ELF1: variants seen among roughly 807,000 people sequenced by gnomAD.
ELF1 encodes the protein ETS-related transcription factor Elf-1.
A neutral mutation model predicts 59.9 loss-of-function variants in ELF1; 24 were observed. The ratio of observed to expected loss-of-function variants is 0.40; its 90% confidence interval spans 0.29 to 0.56. The LOEUF is 0.56. Among genes scored for constraint, ELF1 ranks in the 20% least tolerant of loss-of-function variants. ELF1 has a pLI of 0.44. For missense variants in ELF1, 627 were observed against 742.2 expected (o/e 0.84, Z 1.80); for synonymous variants, 248 against 266.2 (o/e 0.93, Z 0.67).
intron 1 of ELF1, among the ~76,000 whole-genome samples, chr13:41,055,778 AG>A (rs970626744): frequency 6.6e-6 from 1 of 151,608 alleles, no homozygotes; most frequent in Admixed American, 6.6e-5. Flanking sequence ...TCAACCCCCC[AG>A]GTTCAAGCAA....
At chr13:41,022,414 G>T (rs1875722255), upstream of ELF1, among the ~76,000 whole-genome samples, 1 of 152,066 alleles carries the variant, frequency 6.6e-6, no homozygotes, top group Non-Finnish European at 1.5e-5. Flanking sequence ...GAGGGGAGGG[G>T]GTTGACTACA....
intron 2 of ELF1, among the ~76,000 whole-genome samples, chr13:40,971,016 C>A (rs1248691645): frequency 6.6e-6 from 1 of 152,140 alleles, no homozygotes; most frequent in Non-Finnish European, 1.5e-5. Flanking sequence ...ATTATTGACA[C>A]ATACTAGTCA....
At chr13:41,055,902 G>A (rs984779166) in intron 1 of ELF1, among the ~76,000 whole-genome samples, 2 of 151,846 alleles carry the variant, frequency 1.3e-5, no homozygotes, top group Non-Finnish European at 2.9e-5. Flanking sequence ...ATGTTGCCCA[G>A]GCTGCTATTA....
At chr13:41,013,396 T>C (rs1329743787) in intron 1 of ELF1, among the ~76,000 whole-genome samples, 1 of 152,036 alleles carries the variant, frequency 6.6e-6, no homozygotes, top group East Asian at 1.9e-4. Context: ...AGACAAACAA[T>C]GGAATACTAT....
rs1426750832 is a variant in ELF1 at position 40,995,127 on chromosome 13, T to TA, written c.-228-12846dup. 3.9e-5 allele frequency among the ~76,000 whole-genome samples: 6 copies of TA among 152,204 alleles called. No homozygotes were observed. In the East Asian group the frequency reaches 1.2e-3, roughly 29 times the overall value. On this transcript the variant is annotated intron_variant, in intron 1 of 8. Transcript: ENST00000239882. Reference sequence around the variant, plus strand: ...CACACCAACAACTGAAAGCAAGATTTAAAGGTCATCTAAATCACTTCATGC... The same window carrying TA: ...CACACCAACAACTGAAAGCAAGATTTAAAAGGTCATCTAAATCACTTCATGC...
intron 3 of ELF1, among the ~76,000 whole-genome samples, chr13:40,955,121 C>G (rs1871157379): frequency 6.7e-6 from 1 of 149,562 alleles, no homozygotes; most frequent in Non-Finnish European, 1.5e-5. Flanking sequence ...GTGAGGAGAC[C>G]CTCTGCCTGG....
intron 2 of ELF1, among the ~76,000 whole-genome samples, chr13:40,967,086 T>A (rs569934830): frequency 6.6e-6 from 1 of 152,358 alleles, no homozygotes; most frequent in South Asian, 2.1e-4. Flanking sequence ...CAAATCCCTG[T>A]GCCCAGCCTT....
chr13:40,970,477 C>T (rs1872466447), intron 2 of ELF1, among the ~76,000 whole-genome samples: 1 of 152,200 alleles, frequency 6.6e-6, no homozygotes, highest in Non-Finnish European at 1.5e-5. Context: ...CAAGTGTATA[C>T]AGAAAAGACT....
chr13:40,976,235 C>G (rs1041134512), intron 2 of ELF1, among the ~76,000 whole-genome samples: 4 of 152,206 alleles, frequency 2.6e-5, no homozygotes, highest in Non-Finnish European at 5.9e-5. Flanking sequence ...TGAAAAGTTT[C>G]TAACCATAAA....
rs1414927549 is a variant in ELF1, at chr13:40,940,935, G to T, written c.1242C>A (p.Ser414=). 6.2e-7 allele frequency: 1 copy of T among 1,612,356 alleles called. No individual in the cohort carries two copies. The highest frequency in any genetic ancestry group is 1.7e-5 in the Admixed American group (1 of 59,880). The part of the protein sequence containing the change: ...STMQDETLNS[S]VQSIRTIQAP... ...GGTTTTCTCACCTAATACTCTGAAC[G>T]GAAGAATTTAATGTTTCATCCTGCA... is the stretch of plus-strand genomic sequence containing the variant. The change falls in exon 8 of 9, where the codon TCC becomes TCA. Residue 414 remains serine (S), a synonymous_variant. Transcript: ENST00000239882.
intron 5 of ELF1, among the ~76,000 whole-genome samples, chr13:40,947,635 T>C (rs927524477): frequency 6.6e-6 from 1 of 152,212 alleles, no homozygotes; most frequent in Non-Finnish European, 1.5e-5. Flanking sequence ...GCCCCAGGAC[T>C]GTAATAACTA....
At chr13:40,993,774 T>G (rs910066868) in intron 1 of ELF1, among the ~76,000 whole-genome samples, 7 of 152,178 alleles carry the variant, frequency 4.6e-5, no homozygotes, top group Non-Finnish European at 1.0e-4. Flanking sequence ...CATGAAACAC[T>G]GCACCTGGCC....
chr13:40,951,430 G>A lies in ELF1; in HGVS notation c.260C>T (p.Ala87Val). 6.2e-7 allele frequency: 1 copy of A among 1,613,464 alleles called. No individual in the cohort carries two copies. Among genetic ancestry groups the A allele is most frequent in the Non-Finnish European group, 8.5e-7 (1 of 1,179,702 alleles). Reference sequence around the variant, plus strand: ...TGTTTCATCCCCGTCATGACAAGAAGCTTCAACTGCAACACATTTAAAGAG... The same window carrying A: ...TGTTTCATCCCCGTCATGACAAGAAACTTCAACTGCAACACATTTAAAGAG... The part of the protein sequence containing the change: ...DDDDITLTVE[A>V]SCHDGDETIE... Residue 87 changes from alanine (A) to valine (V), a missense_variant, in exon 4 of 9, where the codon GCT becomes GTT. Ala to Val is a moderately conservative substitution (Grantham distance 64). Around this residue, in one of 3 missense-constraint regions of ELF1, gnomAD observed 232 missense variants for 269.2 expected, o/e 0.86. Transcript: ENST00000239882.
chr13:40,959,545 G>A (rs996853811), intron 2 of ELF1, among the ~76,000 whole-genome samples: 2 of 151,996 alleles, frequency 1.3e-5, no homozygotes, highest in Non-Finnish European at 2.9e-5. Context: ...TAATGCATAA[G>A]CATGAACCAA....
chr13:40,970,155 A>G (rs1272267403), intron 2 of ELF1, among the ~76,000 whole-genome samples: 3 of 152,232 alleles, frequency 2.0e-5, no homozygotes, highest in Non-Finnish European at 2.9e-5. Flanking sequence ...TAAAATATAA[A>G]CAAACAAATC....
intron 1 of ELF1, among the ~76,000 whole-genome samples, chr13:40,989,616 G>A (rs766953787): frequency 1.0e-5 from 1 of 99,110 alleles, no homozygotes; most frequent in African/African-American, 2.6e-5. Flanking sequence ...TAATGCACAT[G>A]CATTTTACAC....
intron 1 of ELF1, among the ~76,000 whole-genome samples, chr13:40,986,671 A>G (rs1408740360): frequency 2.0e-5 from 3 of 151,878 alleles, no homozygotes; most frequent in Admixed American, 6.6e-5. Flanking sequence ...AGCTTCCCTA[A>G]CACAGAGTCC....
At chr13:40,956,513 C>G (rs915616204) in intron 3 of ELF1, among the ~76,000 whole-genome samples, 4 of 150,418 alleles carry the variant, frequency 2.7e-5, no homozygotes, top group African/African-American at 9.8e-5. Context: ...GACCTTCCCT[C>G]CACTATTGTC....
chr13:41,050,733 T>C (rs774778525), intron 1 of ELF1, among the ~76,000 whole-genome samples: 2 of 152,018 alleles, frequency 1.3e-5, no homozygotes, highest in Non-Finnish European at 2.9e-5. Context: ...GTATTTTTAG[T>C]AGAGACAGGA....
Sources: allele counts gnomAD v4.1 joint callset (sites outside exome capture counted in the v4.1 genomes callset), GRCh38; gene constraint gnomAD v4.1.1; regional missense constraint gnomAD v4.1.1; transcripts MANE v1.5; gene names NCBI Gene and HGNC (gene_info 2026-07-23, HGNC 2026-07-21).